AMPH: variants seen among roughly 807,000 people sequenced by gnomAD.
The protein encoded by AMPH is amphiphysin (Stiff-Mann syndrome with breast cancer 128kD autoantigen).
A neutral mutation model predicts 99.1 loss-of-function variants in AMPH; 49 were observed. The observed-to-expected ratio is 0.49, with a 90% CI of 0.39 to 0.63. AMPH has a LOEUF of 0.63. Ranked by LOEUF, AMPH falls within the 20% of genes least tolerant of loss-of-function variation. The probability of loss-of-function intolerance (pLI) is 0.00; values close to 1 mark genes in which losing one functional copy is unlikely to be tolerated. For synonymous variants in AMPH, 314 were observed against 317.3 expected, an observed-to-expected ratio of 0.99 and a Z score of 0.11; for missense variants, 759 against 863.4, an observed-to-expected ratio of 0.88 and a Z score of 1.52.
intron 2 of AMPH, among the ~76,000 whole-genome samples, chr7:38,516,752 C>T (rs570565474): frequency 5.9e-5 from 9 of 152,320 alleles, no homozygotes; most frequent in African/African-American, 1.9e-4. Flanking sequence ...CACTCAACAC[C>T]AGCCGATGAA....
intron 3 of AMPH, among the ~76,000 whole-genome samples, chr7:38,503,296 G>C (rs1789206304): frequency 6.6e-6 from 1 of 152,160 alleles, no homozygotes; most frequent in Non-Finnish European, 1.5e-5. Flanking sequence ...GTGTCTGTGA[G>C]TGCTCCACTC....
chr7:38,428,727 A>G lies in AMPH; in HGVS notation c.1182+1115T>C, dbSNP rs746216130. The G allele has an allele frequency of 1.3e-5, 6 of 456,758 alleles. No individual in the cohort carries two copies. In the Middle Eastern group the frequency reaches 1.3e-3, roughly 98 times the overall value. The allele number at this position is 456,758 out of a possible 1,614,324, so 28.3% of individuals were successfully genotyped here. A position where few individuals can be genotyped will look rare whatever the true frequency, so the allele number is the denominator to read the frequency against. ...GGCAGGTTTGGCTCCAAAGCCTTCT[A>G]TCATTCCACAATTATTGATTACCTT... is the stretch of plus-strand genomic sequence containing the variant. On this transcript the variant is annotated intron_variant, in intron 14 of 20. Transcript: ENST00000356264.
In AMPH at chr7:38,384,871, G is replaced by A. The variant is rs968229836; in HGVS notation, c.2035C>T (p.Leu679Phe). The change falls in exon 21 of 21, where the codon CTT becomes TTT. Residue 679 changes from leucine (L) to phenylalanine (F), a missense_variant. Leu to Phe is a conservative substitution (Grantham distance 22). Around this residue, in one of 2 missense-constraint regions of AMPH, gnomAD observed 554 missense variants for 575.6 expected, o/e 0.96. Transcript: ENST00000356264. ...KESDWLQYRD[L>F]ATYKGLFPEN... is the part of the protein sequence containing the mutation. ...GGAAAGAGGCCTTTGTAGGTGGCAA[G>A]GTCTCTGTACTGAAGCCAGTCTGAT... The A allele has an allele frequency of 1.9e-6, 3 of 1,613,974 alleles. No homozygotes were observed. The African/African-American group carries it at 4.0e-5, about 22-fold the overall frequency.
chr7:38,528,930 C>T (rs1179390344), intron 2 of AMPH, among the ~76,000 whole-genome samples: 1 of 152,068 alleles, frequency 6.6e-6, no homozygotes, highest in African/African-American at 2.4e-5. Flanking sequence ...GCCTTGTATT[C>T]GCTGAACCTG....
intron 1 of AMPH, among the ~76,000 whole-genome samples, chr7:38,538,700 C>G (rs1790701086): frequency 6.6e-6 from 1 of 152,134 alleles, no homozygotes; most frequent in South Asian, 2.1e-4. Context: ...AGCTAGGAAA[C>G]AGATCAGTCT....
At chr7:38,569,187 G>C (rs1458543150) in intron 1 of AMPH, among the ~76,000 whole-genome samples, 2 of 151,400 alleles carry the variant, frequency 1.3e-5, no homozygotes, top group Non-Finnish European at 2.9e-5. Flanking sequence ...AATAATTTAT[G>C]CTACCTAAAG....
chr7:38,475,910 A>G (rs1400326171), intron 6 of AMPH, among the ~76,000 whole-genome samples: 1 of 152,240 alleles, frequency 6.6e-6, no homozygotes, highest in African/African-American at 2.4e-5. Context: ...TAAGAAAGAC[A>G]TTACAATACA....
At chr7:38,587,943 T>TGC (rs1274255900) in intron 1 of AMPH, among the ~76,000 whole-genome samples, 4 of 146,404 alleles carry the variant, frequency 2.7e-5, no homozygotes, top group African/African-American at 5.1e-5. Flanking sequence ...TGTGTGTGTG[T>TGC]GTGTGTGCGC....
At chr7:38,521,875 G>A (rs761350832) in intron 2 of AMPH, among the ~76,000 whole-genome samples, 2 of 152,114 alleles carry the variant, frequency 1.3e-5, no homozygotes, top group African/African-American at 2.4e-5. Flanking sequence ...TTCAGTAGGC[G>A]CTTCCCATGT....
At chr7:38,401,089 TTATTC>T (rs1460071461) in intron 17 of AMPH, among the ~76,000 whole-genome samples, 1 of 152,224 alleles carries the variant, frequency 6.6e-6, no homozygotes, top group Non-Finnish European at 1.5e-5. Context: ...ACTTTATTGC[TTATTC>T]TATTTATCAA....
chr7:38,565,534 A>G (rs1791707251), intron 1 of AMPH, among the ~76,000 whole-genome samples: 1 of 152,106 alleles, frequency 6.6e-6, no homozygotes, highest in Admixed American at 6.6e-5. Context: ...CTAAATCCTA[A>G]TCTCTTTTTA....
At chr7:38,477,092 T>C (rs929682597) in intron 5 of AMPH, 123 bp from the exon 6 acceptor site, 6 of 726,616 alleles carry the variant, frequency 8.3e-6, no homozygotes, top group African/African-American at 1.7e-5. Flanking sequence ...GAGATCAAGA[T>C]GGGCTGGAGT....
chr7:38,519,450 G>T (rs1789872539), intron 2 of AMPH, among the ~76,000 whole-genome samples: 1 of 145,970 alleles, frequency 6.9e-6, no homozygotes, highest in East Asian at 1.9e-4. Context: ...AAGGCTCTCT[G>T]GTAAAAATAT....
In AMPH at chr7:38,585,660, A is replaced by G. The variant is rs148250272; in HGVS notation, c.69+45623T>C. Among the ~76,000 whole-genome samples the G allele has an allele frequency of 4.3e-3, 655 of 152,336 alleles. 4 individuals carry two copies. Among genetic ancestry groups the G allele is most frequent in the African/African-American group, 0.015 (629 of 41,578 alleles). ...CAAATTTAGCCTAAGCTTTTAATAC[A>G]TGGATCTGTCCAATAGCCTCACGGT... On this transcript the variant is annotated intron_variant, in intron 1 of 20. Transcript: ENST00000356264.
chr7:38,589,032 A>G (rs1001226785), intron 1 of AMPH, among the ~76,000 whole-genome samples: 4 of 152,228 alleles, frequency 2.6e-5, no homozygotes, highest in Admixed American at 6.5e-5. Flanking sequence ...TTTTAATCAT[A>G]TAATTAAAAC....
At chr7:38,546,610 A>G (rs1791004389) in intron 1 of AMPH, among the ~76,000 whole-genome samples, 1 of 152,178 alleles carries the variant, frequency 6.6e-6, no homozygotes, top group African/African-American at 2.4e-5. Flanking sequence ...GCTTTGGGCA[A>G]TATCATCACA....
At chr7:38,466,300 G>T in intron 7 of AMPH, 52 bp from the exon 8 acceptor site, 1 of 1,420,042 alleles carries the variant, frequency 7.0e-7, no homozygotes, top group Non-Finnish European at 9.6e-7. Flanking sequence ...AGACCAGTCA[G>T]TAAAAATAAT....
intron 5 of AMPH, among the ~76,000 whole-genome samples, chr7:38,485,768 C>T (rs1415858718): frequency 1.3e-5 from 2 of 151,762 alleles, no homozygotes; most frequent in Non-Finnish European, 3.0e-5. Context: ...GAAATTATAC[C>T]AGGTATCTTT....
At chr7:38,529,832 A>G (rs1790325623) in intron 2 of AMPH, among the ~76,000 whole-genome samples, 1 of 152,252 alleles carries the variant, frequency 6.6e-6, no homozygotes, top group African/African-American at 2.4e-5. Flanking sequence ...TGCTAGGCCT[A>G]TCTGCTCAAG....
Sources: allele counts gnomAD v4.1 joint callset (sites outside exome capture counted in the v4.1 genomes callset), GRCh38; gene constraint gnomAD v4.1.1; regional missense constraint gnomAD v4.1.1; transcripts MANE v1.5; gene names NCBI Gene and HGNC (gene_info 2026-07-23, HGNC 2026-07-21).